Variants in BLNK observed in about 807,000 individuals in gnomAD.
BLNK encodes the protein B-cell linker protein.
A neutral mutation model predicts 73.5 loss-of-function variants in BLNK; 29 were observed. That is an observed-to-expected ratio of 0.39 (90% CI 0.29 to 0.54). The LOEUF is 0.54. Among genes scored for constraint, BLNK ranks in the 20% least tolerant of loss-of-function variants. The pLI, the probability that BLNK is intolerant of heterozygous loss-of-function variation, is 0.61. For missense variants in BLNK, 460 were observed against 562.8 expected, an observed-to-expected ratio of 0.82 and a Z score of 1.85; for synonymous variants, 176 against 200.8, an observed-to-expected ratio of 0.88 and a Z score of 1.04.
intron 6 of BLNK, among the ~76,000 whole-genome samples, chr10:96,221,531 C>A (rs1654695809): frequency 6.6e-6 from 1 of 152,296 alleles, no homozygotes; most frequent in East Asian, 1.9e-4. Context: ...CGCCTTCATA[C>A]TTCTCTTTTT....
At chr10:96,209,538 G>A (rs2083899205) in intron 9 of BLNK, among the ~76,000 whole-genome samples, 1 of 152,148 alleles carries the variant, frequency 6.6e-6, no homozygotes, top group African/African-American at 2.4e-5. Context: ...GATTACAGGT[G>A]TGTGCCACCA....
intron 1 of BLNK, among the ~76,000 whole-genome samples, chr10:96,251,292 G>A (rs1446467010): frequency 6.6e-6 from 1 of 152,216 alleles, no homozygotes. Flanking sequence ...ATCTGGTGAT[G>A]CACAGCTCTG....
intron 3 of BLNK, among the ~76,000 whole-genome samples, chr10:96,236,398 A>G (rs587647359): frequency 6.6e-6 from 1 of 152,340 alleles, no homozygotes; most frequent in East Asian, 1.9e-4. Context: ...CAGAGGCTGC[A>G]GGGGAGGCGG....
At chr10:96,232,373 C>T (rs1554904176) in intron 3 of BLNK, among the ~76,000 whole-genome samples, 1 of 146,830 alleles carries the variant, frequency 6.8e-6, no homozygotes, top group East Asian at 2.2e-4. Context: ...TTTCCCAGAA[C>T]CTCAACAGAA....
At chr10:96,216,810 T>A (rs781951825) in intron 6 of BLNK, 76 bp from the exon 7 acceptor site, 48 of 1,234,400 alleles carry the variant, frequency 3.9e-5, no homozygotes, top group South Asian at 2.4e-4. Context: ...GTGATTTTTT[T>A]AAAAAGCATT....
At chr10:96,193,749 G>A (rs1018170907) in intron 16 of BLNK, among the ~76,000 whole-genome samples, 6 of 152,130 alleles carry the variant, frequency 3.9e-5, no homozygotes, top group African/African-American at 1.4e-4. Flanking sequence ...ACTCAATGTT[G>A]TATCACACAG....
intron 3 of BLNK, 143 bp from the exon 4 acceptor site, chr10:96,230,977 A>T (rs1335449389): frequency 3.9e-6 from 3 of 770,550 alleles, no homozygotes; most frequent in Non-Finnish European, 6.6e-6. Context: ...TAGTTACTAC[A>T]ATCATATGTT....
intron 1 of BLNK, among the ~76,000 whole-genome samples, chr10:96,267,871 AT>A (rs1844083747): frequency 6.6e-6 from 1 of 152,270 alleles, no homozygotes; most frequent in Admixed American, 6.5e-5. Flanking sequence ...CAGTAATGAT[AT>A]TAATAGCTAC....
intron 6 of BLNK, among the ~76,000 whole-genome samples, chr10:96,220,563 C>T (rs1195512845): frequency 6.6e-6 from 1 of 152,190 alleles, no homozygotes; most frequent in Non-Finnish European, 1.5e-5. Context: ...AGAACCATCA[C>T]ATTTTATGTC....
intron 2 of BLNK, among the ~76,000 whole-genome samples, chr10:96,244,528 A>T (rs1280895426): frequency 2.0e-5 from 3 of 152,222 alleles, no homozygotes; most frequent in Non-Finnish European, 2.9e-5. Context: ...TCATGCGGCC[A>T]TAGACCAGTG....
At chr10:96,209,816 G>A in intron 9 of BLNK, 22 bp downstream of exon 9, 1 of 1,614,108 alleles carries the variant, frequency 6.2e-7, no homozygotes, top group Non-Finnish European at 8.5e-7. Context: ...CTCAAAAGCT[G>A]CTTCCTGCAA....
chr10:96,259,396 G>C (rs1843647749), intron 1 of BLNK, among the ~76,000 whole-genome samples: 1 of 152,150 alleles, frequency 6.6e-6, no homozygotes, highest in South Asian at 2.1e-4. Context: ...AGGGGGTAAG[G>C]CACATGGGAG....
chr10:96,249,249 ATAGGTC>A (rs1213906096), intron 1 of BLNK, among the ~76,000 whole-genome samples: 3 of 152,252 alleles, frequency 2.0e-5, no homozygotes, highest in Non-Finnish European at 4.4e-5. Flanking sequence ...ATAGTTTAGC[ATAGGTC>A]TAGGAAACTG....
intron 1 of BLNK, among the ~76,000 whole-genome samples, chr10:96,259,902 C>T (rs1554912297): frequency 6.6e-6 from 1 of 151,890 alleles, no homozygotes; most frequent in Non-Finnish European, 1.5e-5. Context: ...AGGCACACCA[C>T]CCTGAGACTG....
rs587614636 is a variant in BLNK at position 96,197,673 on chromosome 10, C to T, written c.1096-610G>A. On this transcript the variant is annotated intron_variant, in intron 15 of 16. Coordinates refer to ENST00000224337, the MANE Select transcript of BLNK (RefSeq NM_013314.4). ...AACAGAGGTTGGGAATCAAAACTTTCATTTTATATTTGCCCCTGGACTAAA... is the reference window on the plus strand; with the variant it reads ...AACAGAGGTTGGGAATCAAAACTTTTATTTTATATTTGCCCCTGGACTAAA... Among the ~76,000 whole-genome samples the T allele has an allele frequency of 2.2e-4, 33 of 152,176 alleles. No homozygotes were observed. The South Asian group carries it at 2.5e-3, about 11-fold the overall frequency.
chr10:96,246,423 G>A (rs1235665843), intron 2 of BLNK, among the ~76,000 whole-genome samples: 1 of 152,164 alleles, frequency 6.6e-6, no homozygotes, highest in African/African-American at 2.4e-5. Flanking sequence ...ATGCTGGCAC[G>A]TGCCTGTAAT....
chr10:96,232,251 G>T (rs1458354299), intron 3 of BLNK, among the ~76,000 whole-genome samples: 1 of 152,130 alleles, frequency 6.6e-6, no homozygotes, highest in Non-Finnish European at 1.5e-5. Context: ...TCCAGTGGAT[G>T]TTCCTAAATT....
chr10:96,197,167 G>A lies in BLNK; in HGVS notation c.1096-104C>T, dbSNP rs1019427725. ...AGAACACCTATATTACATTCCAAAGGTAAATTATTTAGCTACATTATTTTT... is the reference window on the plus strand; with the variant it reads ...AGAACACCTATATTACATTCCAAAGATAAATTATTTAGCTACATTATTTTT... On this transcript the variant is annotated intron_variant, in intron 15 of 16. Coordinates refer to ENST00000224337, the MANE Select transcript of BLNK (RefSeq NM_013314.4). 17 of 837,592 alleles carry A rather than the reference G, an allele frequency of 2.0e-5. No individual in the cohort carries two copies. In the South Asian group the frequency reaches 2.9e-4, roughly 14 times the overall value. 51.9% of individuals were successfully genotyped at this position (837,592 alleles called of 1,614,324 possible). A position where few individuals can be genotyped will look rare whatever the true frequency, so the allele number is the denominator to read the frequency against.
At position 96,189,731 on chromosome 10, in the gene BLNK, C is replaced by CATCA; in HGVS notation, c.*2241_*2242insTGAT. ...TCATCATCATCATCATCATCATCAT[C>CATCA]ATCTTCATCAGCAGCAAGTTTTACT... On this transcript the variant is annotated 3_prime_UTR_variant, in exon 17 of 17. Coordinates refer to ENST00000224337, the MANE Select transcript of BLNK (RefSeq NM_013314.4). 1.4e-6 allele frequency: 1 copy of CATCA among 726,442 alleles called. No homozygotes were observed. The highest frequency in any genetic ancestry group is 2.5e-6 in the Non-Finnish European group (1 of 396,640). The allele number at this position is 726,442 out of a possible 1,614,324, so 45.0% of individuals were successfully genotyped here. A position where few individuals can be genotyped will look rare whatever the true frequency, so the allele number is the denominator to read the frequency against.
Sources: gnomAD v4.1 joint callset for allele counts (sites outside exome capture counted in the v4.1 genomes callset) on GRCh38, gnomAD v4.1.1 for gene constraint, MANE v1.5 for transcripts, NCBI Gene and HGNC (gene_info 2026-07-23, HGNC 2026-07-21) for gene names.